Variants in SH3GL3 observed in about 807,000 individuals in gnomAD.
The protein encoded by SH3GL3 is endophilin-A3.
In SH3GL3, 33 loss-of-function variants were observed where a neutral mutation model predicts 47.7. The observed-to-expected ratio is 0.69, with a 90% CI of 0.52 to 0.92. The LOEUF (loss-of-function observed/expected upper bound fraction) is 0.92. Among genes scored for constraint, SH3GL3 ranks in the 40% least tolerant of loss-of-function variants. SH3GL3 has a pLI of 0.00. For missense variants in SH3GL3, 363 were observed against 417.8 expected, an observed-to-expected ratio of 0.87 and a Z score of 1.14; for synonymous variants, 155 against 148.8, an observed-to-expected ratio of 1.04 and a Z score of -0.30.
chr15:83,619,288 CTTACTGCAATAA>C (rs1304132193), downstream of SH3GL3, among the ~76,000 whole-genome samples: 1 of 152,200 alleles, frequency 6.6e-6, no homozygotes, highest in Non-Finnish European at 1.5e-5. Flanking sequence ...TTCCTGGCTA[CTTACTGCAATAA>C]AGCAAATATT....
intron 1 of SH3GL3, among the ~76,000 whole-genome samples, chr15:83,537,182 G>A (rs763320504): frequency 6.6e-6 from 1 of 152,128 alleles, no homozygotes; most frequent in Non-Finnish European, 1.5e-5. Flanking sequence ...CTCTTGGGCA[G>A]GGCTGCCTCT....
At chr15:83,492,279 CAAAAAAAAAAAA>C (rs11300008) in intron 1 of SH3GL3, among the ~76,000 whole-genome samples, 1 of 51,488 alleles carries the variant, frequency 1.9e-5, no homozygotes, top group Non-Finnish European at 3.3e-5. Context: ...GACTCCCTCT[CAAAAAAAAAAAA>C]AAAAAAAAAA....
chr15:83,566,600 C>G lies in SH3GL3; in HGVS notation c.187+1394C>G, dbSNP rs76630387. ...GACCAGCCTGGGCAATGTAGCAAGA[C>G]TCTATGTCTACAAAACATTTTCAAA... On this transcript the variant is annotated intron_variant, in intron 3 of 8. Transcript: ENST00000427482. Among the ~76,000 whole-genome samples, 56 of 152,280 alleles carry G rather than the reference C, an allele frequency of 3.7e-4. No individual in the cohort carries two copies. In the East Asian group the frequency reaches 0.01, roughly 28 times the overall value.
At chr15:83,466,381 C>T (rs892509610) in intron 1 of SH3GL3, among the ~76,000 whole-genome samples, 1 of 151,490 alleles carries the variant, frequency 6.6e-6, no homozygotes, top group Admixed American at 6.6e-5. Context: ...GTGTGTTTCT[C>T]TGGCGTAAAT....
intron 1 of SH3GL3, among the ~76,000 whole-genome samples, chr15:83,525,351 CGTGTGTGTGT>C (rs3078536): frequency 3.4e-5 from 5 of 148,104 alleles, no homozygotes; most frequent in Middle Eastern, 3.5e-3. Flanking sequence ...ATTCTTTGTG[CGTGTGTGTGT>C]GTGTGTGTGT....
intron 1 of SH3GL3, among the ~76,000 whole-genome samples, chr15:83,519,076 A>T (rs1387412731): frequency 6.6e-6 from 1 of 151,512 alleles, no homozygotes; most frequent in Non-Finnish European, 1.5e-5. Context: ...CTGTAGCCTT[A>T]TAGTACTGTT....
intron 1 of SH3GL3, among the ~76,000 whole-genome samples, chr15:83,473,952 C>T (rs1174762592): frequency 6.6e-6 from 1 of 151,872 alleles, no homozygotes; most frequent in Non-Finnish European, 1.5e-5. Context: ...TGAGAGAACC[C>T]ATGACCTTGT....
chr15:83,518,046 C>CT (rs1198824086), intron 1 of SH3GL3, among the ~76,000 whole-genome samples: 1 of 152,192 alleles, frequency 6.6e-6, no homozygotes, highest in African/African-American at 2.4e-5. Context: ...ATAATGGCCT[C>CT]TAGCTGCATC....
chr15:83,459,177 T>C (rs2040150427), intron 1 of SH3GL3, among the ~76,000 whole-genome samples: 1 of 152,224 alleles, frequency 6.6e-6, no homozygotes, highest in South Asian at 2.1e-4. Flanking sequence ...AGTCTAGTCT[T>C]TCCACATTCT....
At chr15:83,591,711 A>G (rs369076441) in intron 8 of SH3GL3, among the ~76,000 whole-genome samples, 2 of 151,890 alleles carry the variant, frequency 1.3e-5, no homozygotes, top group African/African-American at 4.8e-5. Context: ...TTTGAGACAA[A>G]GTCTTGCTCT....
chr15:83,528,236 G>A (rs1337133756), intron 1 of SH3GL3, among the ~76,000 whole-genome samples: 1 of 152,084 alleles, frequency 6.6e-6, no homozygotes, highest in Non-Finnish European at 1.5e-5. Flanking sequence ...AGAAATCTCT[G>A]TCTATCTTTG....
the SH3GL3 span, among the ~76,000 whole-genome samples, chr15:83,624,079 T>C: frequency 1.3e-5 from 2 of 152,204 alleles, no homozygotes; most frequent in African/African-American, 4.8e-5. Flanking sequence ...AATAGGCTCC[T>C]GACAGGCACA....
intron 1 of SH3GL3, among the ~76,000 whole-genome samples, chr15:83,515,969 C>T (rs2042963202): frequency 6.6e-6 from 1 of 152,072 alleles, no homozygotes; most frequent in African/African-American, 2.4e-5. Flanking sequence ...TTATCTAGAA[C>T]AGTTTTCAGA....
intron 1 of SH3GL3, chr15:83,490,748 A>G (rs2041840800): frequency 6.3e-7 from 1 of 1,594,884 alleles, no homozygotes; most frequent in East Asian, 2.2e-5. Context: ...ACTTTTAATT[A>G]CAGGAGCTTT....
At chr15:83,583,140 G>A (rs1057123727) in intron 6 of SH3GL3, among the ~76,000 whole-genome samples, 7 of 152,182 alleles carry the variant, frequency 4.6e-5, no homozygotes, top group East Asian at 3.8e-4. Context: ...ATGGCTTGTC[G>A]TCTTTTGAAG....
intron 1 of SH3GL3, among the ~76,000 whole-genome samples, chr15:83,501,297 G>A (rs1226314159): frequency 1.3e-5 from 2 of 152,162 alleles, no homozygotes; most frequent in Admixed American, 6.5e-5. Context: ...AGCGACTCAA[G>A]TTATGCCATA....
rs148588707 is a variant in SH3GL3, at chr15:83,556,419, A to G, written c.46-2834A>G. Among the ~76,000 whole-genome samples, 704 of 152,368 alleles carry G rather than the reference A, an allele frequency of 4.6e-3. 1 individual carries two copies. The highest frequency in any genetic ancestry group is 0.014 in the Middle Eastern group (4 of 294). On this transcript the variant is annotated intron_variant, in intron 1 of 8. Coordinates refer to ENST00000427482, the MANE Select transcript of SH3GL3 (RefSeq NM_003027.5). ...TGTGACTCCTGTTGAAAATGATCCC[A>G]TATGTTGTCTTTTCAAACAAGATAT...
chr15:83,456,685 C>A (rs532047867), intron 1 of SH3GL3, among the ~76,000 whole-genome samples: 1 of 144,882 alleles, frequency 6.9e-6, no homozygotes, highest in Non-Finnish European at 1.5e-5. Flanking sequence ...GGTGCGCACA[C>A]ACACTGGCCT....
chr15:83,504,896 T>G (rs1284782736), intron 1 of SH3GL3, among the ~76,000 whole-genome samples: 2 of 152,240 alleles, frequency 1.3e-5, no homozygotes, highest in African/African-American at 4.8e-5. Context: ...ACTTTTATAA[T>G]AATAATTTCC....
Sources: allele counts gnomAD v4.1 joint callset (sites outside exome capture counted in the v4.1 genomes callset), GRCh38; gene constraint gnomAD v4.1.1; transcripts MANE v1.5; gene names NCBI Gene and HGNC (gene_info 2026-07-23, HGNC 2026-07-21).